The following ATRNL1 variants were observed in gnomAD, a reference collection of about 807,000 sequenced individuals.
ATRNL1 encodes attractin-like protein 1.
In ATRNL1, 95 loss-of-function variants were observed where a neutral mutation model predicts 182.7. The ratio of observed to expected loss-of-function variants is 0.52; its 90% CI spans 0.44 to 0.62. ATRNL1 has a LOEUF of 0.62. ATRNL1 is among the 20% of genes least tolerant of loss of function. The pLI is 0.00. For missense variants in ATRNL1, 1,471 were observed against 1,679.5 expected (o/e 0.88, Z 2.17); for synonymous variants, 576 against 568.3 (o/e 1.01, Z -0.19).
intron 9 of ATRNL1, among the ~76,000 whole-genome samples, chr10:115,239,531 G>A (rs1480761076): frequency 1.3e-5 from 2 of 151,920 alleles, no homozygotes; most frequent in Non-Finnish European, 2.9e-5. Flanking sequence ...GCGCCCGGCC[G>A]GGGCTGTATT....
chr10:115,245,457 C>T (rs1220300884), intron 10 of ATRNL1, among the ~76,000 whole-genome samples: 1 of 146,294 alleles, frequency 6.8e-6, no homozygotes, highest in Non-Finnish European at 1.5e-5. Flanking sequence ...CGAGATTGCG[C>T]CATTGCACTC....
chr10:115,604,222 A>G (rs1856761720), intron 26 of ATRNL1, among the ~76,000 whole-genome samples: 1 of 152,156 alleles, frequency 6.6e-6, no homozygotes, highest in African/African-American at 2.4e-5. Flanking sequence ...TTTAATAAGC[A>G]TTGAGTTTTG....
chr10:115,794,536 G>A (rs999898393), intron 27 of ATRNL1, among the ~76,000 whole-genome samples: 2 of 151,968 alleles, frequency 1.3e-5, no homozygotes, highest in Non-Finnish European at 2.9e-5. Flanking sequence ...GACTTTCATG[G>A]GCTTGATAAT....
intron 8 of ATRNL1, among the ~76,000 whole-genome samples, chr10:115,184,475 A>G (rs1267329172): frequency 1.3e-5 from 2 of 151,654 alleles, no homozygotes; most frequent in Non-Finnish European, 3.0e-5. Context: ...TAATATATAT[A>G]CATGTACTAC....
chr10:115,637,142 A>T (rs1402933803), intron 26 of ATRNL1, among the ~76,000 whole-genome samples: 11 of 152,220 alleles, frequency 7.2e-5, no homozygotes, highest in Admixed American at 7.2e-4. Flanking sequence ...TATCTGCTTA[A>T]AAGCAAATCT....
intron 26 of ATRNL1, among the ~76,000 whole-genome samples, chr10:115,559,863 AC>A (rs1341045024): frequency 6.6e-5 from 10 of 152,198 alleles, no homozygotes; most frequent in Non-Finnish European, 1.5e-5. Context: ...ATTCTATTCA[AC>A]ATTTTACTGT....
rs1055027170 is a variant in ATRNL1, at chr10:115,381,449, T to C, written c.3176-13210T>C. On this transcript the variant is annotated intron_variant, in intron 19 of 28. Coordinates refer to ENST00000355044, the MANE Select transcript of ATRNL1 (RefSeq NM_207303.4). ...ACCTGGCAATTTTTTTTTTTTTTTTTAGTAGACATGGGGTTTCTTCACCAT... is the reference window on the plus strand; with the variant it reads ...ACCTGGCAATTTTTTTTTTTTTTTTCAGTAGACATGGGGTTTCTTCACCAT... Among the ~76,000 whole-genome samples, 9 of 144,418 alleles carry C rather than the reference T, an allele frequency of 6.2e-5. No homozygotes were observed. The South Asian group carries it at 1.8e-3, about 28-fold the overall frequency. The allele number at this position is 144,418 out of a possible 152,430, so 94.7% of individuals were successfully genotyped here.
At chr10:115,431,566 T>A (rs1482429418) in intron 21 of ATRNL1, among the ~76,000 whole-genome samples, 1 of 152,168 alleles carries the variant, frequency 6.6e-6, no homozygotes, top group Non-Finnish European at 1.5e-5. Context: ...AGTTTTTCCC[T>A]GTATTTTTTA....
At chr10:115,743,988 T>C (rs373574723) in intron 27 of ATRNL1, among the ~76,000 whole-genome samples, 1 of 58,664 alleles carries the variant, frequency 1.7e-5, no homozygotes. Context: ...AATGAATATG[T>C]ATTCAACATG....
intron 19 of ATRNL1, among the ~76,000 whole-genome samples, chr10:115,390,832 T>A (rs1843980421): frequency 6.6e-6 from 1 of 152,192 alleles, no homozygotes; most frequent in African/African-American, 2.4e-5. Flanking sequence ...ATTTCTTTCC[T>A]TAATGTTTTG....
intron 26 of ATRNL1, among the ~76,000 whole-genome samples, chr10:115,589,000 T>C (rs1275077473): frequency 1.3e-5 from 2 of 152,220 alleles, no homozygotes; most frequent in African/African-American, 4.8e-5. Context: ...AAATAAGTTA[T>C]GACTAACATT....
At chr10:115,121,248 G>T (rs1183461073) in intron 2 of ATRNL1, among the ~76,000 whole-genome samples, 2 of 152,202 alleles carry the variant, frequency 1.3e-5, no homozygotes, top group East Asian at 3.9e-4. Context: ...GAGTAGCTGG[G>T]ACTAGAGGTG....
chr10:115,589,398 C>G (rs1389868427), intron 26 of ATRNL1, among the ~76,000 whole-genome samples: 1 of 152,078 alleles, frequency 6.6e-6, no homozygotes, highest in African/African-American at 2.4e-5. Flanking sequence ...CATTATTTTA[C>G]AATTATCCTT....
chr10:115,945,229 AT>A lies in ATRNL1; in HGVS notation c.*451del, dbSNP rs1237078429. 5 of 152,400 alleles carry A rather than the reference AT, an allele frequency of 3.3e-5. No homozygotes were observed. Among genetic ancestry groups the A allele is most frequent in the African/African-American group, 1.2e-4 (5 of 41,462 alleles). The allele number at this position is 152,400 out of a possible 1,614,324, so 9.4% of individuals were successfully genotyped here. On this transcript the variant is annotated 3_prime_UTR_variant, in exon 29 of 29. Coordinates refer to ENST00000355044, the MANE Select transcript of ATRNL1 (RefSeq NM_207303.4). Reference sequence around the variant, plus strand: ...AATGAACACATTGCAATGGCTTTAAATGCTCTTTTATCTCGTTGTAAAGGTA... The same window carrying A: ...AATGAACACATTGCAATGGCTTTAAAGCTCTTTTATCTCGTTGTAAAGGTA...
chr10:115,634,017 G>A (rs1232475835), intron 26 of ATRNL1, among the ~76,000 whole-genome samples: 7 of 152,030 alleles, frequency 4.6e-5, no homozygotes, highest in African/African-American at 1.7e-4. Flanking sequence ...TCTTGGGTCT[G>A]AGAATTTTGA....
At chr10:115,340,435 C>A (rs1855688836) in intron 19 of ATRNL1, among the ~76,000 whole-genome samples, 1 of 151,344 alleles carries the variant, frequency 6.6e-6, no homozygotes, top group Non-Finnish European at 1.5e-5. Context: ...GCCACCACAC[C>A]CGGCTAGTTT....
chr10:115,384,243 A>G (rs1858201913), intron 19 of ATRNL1, among the ~76,000 whole-genome samples: 2 of 152,032 alleles, frequency 1.3e-5, no homozygotes, highest in Non-Finnish European at 2.9e-5. Context: ...AGTTATAAGT[A>G]GTAAATGCAT....
intron 26 of ATRNL1, among the ~76,000 whole-genome samples, chr10:115,557,245 G>T (rs1554997258): frequency 6.6e-6 from 1 of 152,138 alleles, no homozygotes; most frequent in African/African-American, 2.4e-5. Context: ...CTATCGAAGA[G>T]GCAGGAGTTG....
intron 8 of ATRNL1, among the ~76,000 whole-genome samples, chr10:115,172,115 A>G (rs1317071411): frequency 6.6e-6 from 1 of 152,022 alleles, no homozygotes; most frequent in Non-Finnish European, 1.5e-5. Context: ...GAGTACTTGT[A>G]TGCTCAGAGG....
Sources: gnomAD v4.1 joint callset for allele counts (sites outside exome capture counted in the v4.1 genomes callset) on GRCh38, gnomAD v4.1.1 for gene constraint, MANE v1.5 for transcripts, NCBI Gene and HGNC (gene_info 2026-07-23, HGNC 2026-07-21) for gene names.